The following SPDEF variants were observed in gnomAD, a reference collection of about 807,000 sequenced individuals.
SPDEF encodes SAM pointed domain containing ETS transcription factor, also known as SAM pointed domain-containing Ets transcription factor.
In SPDEF, 12 loss-of-function variants were observed where a neutral mutation model predicts 36.0. That is an observed-to-expected ratio of 0.33 (90% CI 0.21 to 0.54). The LOEUF (loss-of-function observed/expected upper bound fraction) is 0.54, where lower values mean the gene tolerates loss of function less well. Ranked by LOEUF, SPDEF falls within the 20% of genes least tolerant of loss-of-function variation. SPDEF has a pLI of 0.93. For synonymous variants in SPDEF, 205 were observed against 193.0 expected (o/e 1.06, Z -0.51); for missense variants, 388 against 456.9 (o/e 0.85, Z 1.37).
At position 34,544,682 on chromosome 6, in the gene SPDEF, G is replaced by A. The variant is rs911679535; in HGVS notation, c.-29-198C>T. Among the ~76,000 whole-genome samples the A allele has an allele frequency of 3.3e-5, 5 of 152,168 alleles. No homozygotes were observed. Among genetic ancestry groups the A allele is most frequent in the African/African-American group, 1.2e-4 (5 of 41,414 alleles). ...CTGGGAAAGACAGCGAGGTGGGAGT[G>A]GGTGCAGGACTAGAAATAGATCGCT... On this transcript the variant is annotated intron_variant, in intron 1 of 5. Transcript: ENST00000374037. This position sits in a 1 kb window ranked among gnomAD's most constrained non-coding sequence, Gnocchi z 4.4.
chr6:34,544,125 CG>C lies in SPDEF; in HGVS notation c.330del (p.Leu112Ter). The C allele has an allele frequency of 6.2e-7, 1 of 1,613,836 alleles. No individual in the cohort carries two copies. The highest frequency in any genetic ancestry group is 1.1e-5 in the South Asian group (1 of 91,062). ...AGCGAGTGCTCCTCCAAGGTCAGCC[CG>C]CCGGGCACCAAGTCCAGGCTGCCCG... ...APAGSLDLVP[G>X]GLTLEEHSLE... On this transcript the variant is annotated frameshift_variant, in exon 2 of 6. Coordinates refer to ENST00000374037, the MANE Select transcript of SPDEF (RefSeq NM_012391.3). LOFTEE classifies it high-confidence loss of function. This position sits in a 1 kb window ranked among gnomAD's most constrained non-coding sequence, Gnocchi z 4.4.
chr6:34,543,763 CAG>C (rs1199814146), intron 2 of SPDEF, among the ~76,000 whole-genome samples: 2 of 152,176 alleles, frequency 1.3e-5, no homozygotes, highest in Non-Finnish European at 2.9e-5. Context: ...GTGGGGGACA[CAG>C]AGCTTGAATT....
chr6:34,545,774 G>T (rs1020005694), intron 1 of SPDEF, among the ~76,000 whole-genome samples: 1 of 152,158 alleles, frequency 6.6e-6, no homozygotes, highest in Non-Finnish European at 1.5e-5. Context: ...GCTGGGCAAG[G>T]TGGTGGGTGC....
chr6:34,539,486 C>A lies in SPDEF; in HGVS notation c.682+29G>T, dbSNP rs757514343. On this transcript the variant is annotated intron_variant, in intron 4 of 5. Coordinates refer to ENST00000374037, the MANE Select transcript of SPDEF (RefSeq NM_012391.3). This position sits in a 1 kb window ranked among gnomAD's most constrained non-coding sequence, Gnocchi z 5.2. ...CACCCCTCCACCCCACCCGAGCCCC[C>A]GCCTCCACCCTGCCGCTGCCTGGCT... 2 of 1,584,856 alleles carry A rather than the reference C, an allele frequency of 1.3e-6. No homozygotes were observed. Among genetic ancestry groups the A allele is most frequent in the East Asian group, 2.3e-5 (1 of 43,072 alleles).
chr6:34,547,948 C>T (rs915149704), intron 1 of SPDEF, among the ~76,000 whole-genome samples: 7 of 152,194 alleles, frequency 4.6e-5, no homozygotes, highest in East Asian at 1.9e-4. Context: ...GGGAATGCTC[C>T]GTCCCCAAGG....
rs983340367 is a variant in SPDEF, at chr6:34,544,665, G to C, written c.-29-181C>G. On this transcript the variant is annotated intron_variant, in intron 1 of 5. Coordinates refer to ENST00000374037, the MANE Select transcript of SPDEF (RefSeq NM_012391.3). The surrounding 1 kb of genome is among the most constrained non-coding windows in gnomAD (Gnocchi z 4.4). ...GCAGACAGGCCTTCTGGCTGGGAAAGACAGCGAGGTGGGAGTGGGTGCAGG... is the reference window on the plus strand; with the variant it reads ...GCAGACAGGCCTTCTGGCTGGGAAACACAGCGAGGTGGGAGTGGGTGCAGG... Among the ~76,000 whole-genome samples, 3 of 152,208 alleles carry C rather than the reference G, an allele frequency of 2.0e-5. No homozygotes were observed. The highest frequency in any genetic ancestry group is 6.5e-5 in the Admixed American group (1 of 15,290).
rs556884227 is a variant in SPDEF at position 34,544,592 on chromosome 6, G to A, written c.-29-108C>T. The A allele has an allele frequency of 2.2e-4, 200 of 927,180 alleles. No homozygotes were observed. The African/African-American group carries it at 3.0e-3, about 14-fold the overall frequency. 57.4% of individuals were successfully genotyped at this position (927,180 alleles called of 1,614,324 possible). ...CCTGTGGACAGTGGGCTGGGCCTGG[G>A]ACAGAGTTGGGGGCTTCCGGGTCAT... is the stretch of plus-strand genomic sequence containing the variant. On this transcript the variant is annotated intron_variant, in intron 1 of 5. Coordinates refer to ENST00000374037, the MANE Select transcript of SPDEF (RefSeq NM_012391.3). This position sits in a 1 kb window ranked among gnomAD's most constrained non-coding sequence, Gnocchi z 4.4.
At chr6:34,545,536 G>C (rs1468045578) in intron 1 of SPDEF, among the ~76,000 whole-genome samples, 2 of 152,264 alleles carry the variant, frequency 1.3e-5, no homozygotes, top group Non-Finnish European at 2.9e-5. Context: ...GGGTGAGAAG[G>C]GGGACTGGAG....
chr6:34,539,234 T>G lies in SPDEF; in HGVS notation c.829+16A>C. 1 of 1,613,170 alleles carries G rather than the reference T, an allele frequency of 6.2e-7. No homozygotes were observed. The highest frequency in any genetic ancestry group is 8.5e-7 in the Non-Finnish European group (1 of 1,179,710). The stretch of plus-strand genomic sequence containing the variant: ...TGCTCACTGGCCCTGCAGCGCCCCT[T>G]GGGCACCCTGCTCACCCTTCTCCTT... On this transcript the variant is annotated intron_variant, in intron 5 of 5. Transcript: ENST00000374037. The surrounding 1 kb of genome is among the most constrained non-coding windows in gnomAD (Gnocchi z 5.2).
At position 34,544,584 on chromosome 6, in the gene SPDEF, G is replaced by T; in HGVS notation, c.-29-100C>A. The T allele has an allele frequency of 9.9e-7, 1 of 1,012,678 alleles. No homozygotes were observed. The allele number at this position is 1,012,678 out of a possible 1,614,324, so 62.7% of individuals were successfully genotyped here. The stretch of plus-strand genomic sequence containing the variant: ...TGAGGGGCCCTGTGGACAGTGGGCT[G>T]GGCCTGGGACAGAGTTGGGGGCTTC... On this transcript the variant is annotated intron_variant, in intron 1 of 5. Transcript: ENST00000374037. The surrounding 1 kb of genome is among the most constrained non-coding windows in gnomAD (Gnocchi z 4.4).
chr6:34,546,744 A>G (rs1348268723), intron 1 of SPDEF, among the ~76,000 whole-genome samples: 1 of 142,006 alleles, frequency 7.0e-6, no homozygotes, highest in Non-Finnish European at 1.5e-5. Flanking sequence ...TCTCCCATTC[A>G]AGGGCTCCTT....
chr6:34,550,765 G>T (rs1437848928), intron 1 of SPDEF, among the ~76,000 whole-genome samples: 1 of 152,102 alleles, frequency 6.6e-6, no homozygotes, highest in Non-Finnish European at 1.5e-5. Flanking sequence ...CGGGAGGCAG[G>T]TGGAAGCTGG....
Position 34,538,515 on chromosome 6 carries a change from G to A in SPDEF, c.830-63C>T, listed in dbSNP as rs1293877543. ...GTGAGGTGGCAAGAAGGAGAAAGAC[G>A]CAGACCACCAGGTCAGCCTCGTGGC... On this transcript the variant is annotated intron_variant, in intron 5 of 5. Coordinates refer to ENST00000374037, the MANE Select transcript of SPDEF (RefSeq NM_012391.3). This position sits in a 1 kb window ranked among gnomAD's most constrained non-coding sequence, Gnocchi z 5.9. 6.6e-6 allele frequency: 10 copies of A among 1,512,632 alleles called. No individual in the cohort carries two copies. Among genetic ancestry groups the A allele is most frequent in the East Asian group, 2.3e-5 (1 of 44,054 alleles). 93.7% of individuals were successfully genotyped at this position (1,512,632 alleles called of 1,614,324 possible).
Position 34,544,459 on chromosome 6 carries a change from G to T in SPDEF, c.-4C>A, listed in dbSNP as rs111242802. 367 of 1,534,410 alleles carry T rather than the reference G, an allele frequency of 2.4e-4. No individual in the cohort carries two copies. The African/African-American group carries it at 4.1e-3, about 17-fold the overall frequency. ...GACCCGGGCTGGCGCTGCCCATGCC[G>T]CTGCTGTTTGGGCTGGCGGCTGTGT... On this transcript the variant is annotated 5_prime_UTR_variant, in exon 2 of 6. Transcript: ENST00000374037. The surrounding 1 kb of genome is among the most constrained non-coding windows in gnomAD (Gnocchi z 4.4).
rs576235104 is a variant in SPDEF, at chr6:34,538,809, T to C, written c.830-357A>G. On this transcript the variant is annotated intron_variant, in intron 5 of 5. Coordinates refer to ENST00000374037, the MANE Select transcript of SPDEF (RefSeq NM_012391.3). The surrounding 1 kb of genome is among the most constrained non-coding windows in gnomAD (Gnocchi z 5.9). ...TCTGTGTGGGGTTTGCATGACCTAA[T>C]GCAAAGTCCTGTGTGGCTCCCAGCA... Among the ~76,000 whole-genome samples, 1 of 152,258 alleles carries C rather than the reference T, an allele frequency of 6.6e-6. No homozygotes were observed. Among genetic ancestry groups the C allele is most frequent in the South Asian group, 2.1e-4 (1 of 4,830 alleles).
At chr6:34,553,939 C>G (rs1044409184) in intron 1 of SPDEF, among the ~76,000 whole-genome samples, 2 of 151,712 alleles carry the variant, frequency 1.3e-5, no homozygotes, top group African/African-American at 4.8e-5. Context: ...CACCACCCCC[C>G]AACGCCCAGG....
At chr6:34,547,439 C>T (rs952340955) in intron 1 of SPDEF, among the ~76,000 whole-genome samples, 1 of 152,264 alleles carries the variant, frequency 6.6e-6, no homozygotes, top group South Asian at 2.1e-4. Flanking sequence ...GATCATGGCT[C>T]ACTGCAGCCT....
rs758431726 is a variant in SPDEF at position 34,542,886 on chromosome 6, C to CAA, written c.436+1132_436+1133dup. ...CCTCAGTGATAGAGCGAGACCCTGT[C>CAA]AAAAAAAAAAAAAAAAAAAAGAAGA... is the stretch of plus-strand genomic sequence containing the variant. On this transcript the variant is annotated intron_variant, in intron 2 of 5. Coordinates refer to ENST00000374037, the MANE Select transcript of SPDEF (RefSeq NM_012391.3). Among the ~76,000 whole-genome samples, 205 of 53,542 alleles carry CAA rather than the reference C, an allele frequency of 3.8e-3. 6 individuals carry two copies. Among genetic ancestry groups the CAA allele is most frequent in the African/African-American group, 0.011 (170 of 15,376 alleles). The allele number at this position is 53,542 out of a possible 152,430, so 35.1% of individuals were successfully genotyped here.
Position 34,539,134 on chromosome 6 carries a change from G to A in SPDEF, c.829+116C>T. On this transcript the variant is annotated intron_variant, in intron 5 of 5. Coordinates refer to ENST00000374037, the MANE Select transcript of SPDEF (RefSeq NM_012391.3). The surrounding 1 kb of genome is among the most constrained non-coding windows in gnomAD (Gnocchi z 5.2). ...TGCATATTTGGCATCTAGGACAAAGGTGGGGATCAGCTTCACCCCTCTGCC... is the reference window on the plus strand; with the variant it reads ...TGCATATTTGGCATCTAGGACAAAGATGGGGATCAGCTTCACCCCTCTGCC... The A allele has an allele frequency of 8.1e-7, 1 of 1,230,660 alleles. No homozygotes were observed. The highest frequency in any genetic ancestry group is 1.1e-6 in the Non-Finnish European group (1 of 873,786). 76.2% of individuals were successfully genotyped at this position (1,230,660 alleles called of 1,614,324 possible). A position where few individuals can be genotyped will look rare whatever the true frequency, so the allele number is the denominator to read the frequency against.
Sources: gnomAD v4.1 joint callset for allele counts (sites outside exome capture counted in the v4.1 genomes callset) on GRCh38, gnomAD v4.1.1 for gene constraint, Gnocchi (gnomAD v3.1) non-coding constraint, MANE v1.5 for transcripts, NCBI Gene and HGNC (gene_info 2026-07-23, HGNC 2026-07-21) for gene names.